The following PRKCE variants were observed in gnomAD, a reference collection of about 807,000 sequenced individuals.
The protein encoded by PRKCE is protein kinase C epsilon.
A neutral mutation model predicts 85.4 loss-of-function variants in PRKCE; 16 were observed. The ratio of observed to expected loss-of-function variants is 0.19; its 90% CI spans 0.13 to 0.28. The LOEUF is 0.28. Ranked by LOEUF, PRKCE falls within the 10% of genes least tolerant of loss-of-function variation. The pLI is 1.00. For missense variants in PRKCE, 573 were observed against 975.2 expected, an observed-to-expected ratio of 0.59 and a Z score of 5.49; for synonymous variants, 388 against 371.5, an observed-to-expected ratio of 1.04 and a Z score of -0.51.
intron 10 of PRKCE, among the ~76,000 whole-genome samples, chr2:46,020,507 G>A (rs1420253017): frequency 6.6e-6 from 1 of 152,048 alleles, no homozygotes. Flanking sequence ...TATTAAAATG[G>A]GCACATTCCT....
At position 46,184,593 on chromosome 2, in the gene PRKCE, G is replaced by A. The variant is rs1327112230; in HGVS notation, c.2068-142G>A. The A allele has an allele frequency of 8.5e-6, 9 of 1,053,940 alleles. No individual in the cohort carries two copies. The highest frequency in any genetic ancestry group is 2.4e-4 in the Middle Eastern group (1 of 4,152). 65.3% of individuals were successfully genotyped at this position (1,053,940 alleles called of 1,614,324 possible). ...TGGGGCCATCCATCGTTACCTCATC[G>A]GGACAGCCCCGTGTCTGCTGTCTGT... is the stretch of plus-strand genomic sequence containing the variant. On this transcript the variant is annotated intron_variant, in intron 14 of 14. Transcript: ENST00000306156. The surrounding 1 kb of genome is among the most constrained non-coding windows in gnomAD (Gnocchi z 5.0).
At chr2:46,054,888 G>A (rs957777245) in intron 10 of PRKCE, among the ~76,000 whole-genome samples, 3 of 152,140 alleles carry the variant, frequency 2.0e-5, no homozygotes, top group African/African-American at 7.2e-5. Flanking sequence ...ACATTGGAGA[G>A]AAGCAGCTTG....
Position 46,011,883 on chromosome 2 carries a change from G to A in PRKCE, c.1437+1366G>A, listed in dbSNP as rs546119828. Among the ~76,000 whole-genome samples the A allele has an allele frequency of 2.6e-5, 4 of 152,162 alleles. No homozygotes were observed. The South Asian group carries it at 6.2e-4, about 24-fold the overall frequency. On this transcript the variant is annotated intron_variant, in intron 10 of 14. Coordinates refer to ENST00000306156, the MANE Select transcript of PRKCE (RefSeq NM_005400.3). ...ATCTCTCAGGAGAATAAGAAATATCGTCTGAAAATCTGGAAATCATTCTGC... is the reference window on the plus strand; with the variant it reads ...ATCTCTCAGGAGAATAAGAAATATCATCTGAAAATCTGGAAATCATTCTGC...
At chr2:45,763,551 A>G (rs1684682878) in intron 1 of PRKCE, among the ~76,000 whole-genome samples, 1 of 150,544 alleles carries the variant, frequency 6.6e-6, no homozygotes, top group African/African-American at 2.5e-5. Context: ...CTCAGCCCTC[A>G]TTGATTTTCC....
intron 1 of PRKCE, among the ~76,000 whole-genome samples, chr2:45,817,469 G>A (rs929102733): frequency 7.2e-5 from 11 of 152,186 alleles, no homozygotes; most frequent in African/African-American, 2.2e-4. Context: ...TGAGGAGGGC[G>A]AATCACGAGG....
At chr2:46,150,414 T>A (rs1676504430) in intron 12 of PRKCE, among the ~76,000 whole-genome samples, 1 of 152,142 alleles carries the variant, frequency 6.6e-6, no homozygotes, top group Admixed American at 6.5e-5. Flanking sequence ...CTTCAGTGGA[T>A]CTTATGGGAA....
intron 10 of PRKCE, among the ~76,000 whole-genome samples, chr2:46,028,696 T>C (rs1179435178): frequency 2.6e-5 from 4 of 152,228 alleles, no homozygotes; most frequent in Non-Finnish European, 4.4e-5. Flanking sequence ...GTTCAGGGTA[T>C]ATGTGCAGGT....
intron 2 of PRKCE, among the ~76,000 whole-genome samples, chr2:45,976,200 G>C (rs1315353678): frequency 6.6e-6 from 1 of 152,142 alleles, no homozygotes; most frequent in East Asian, 1.9e-4. Context: ...GGAATCTGAG[G>C]ATATAGCAGG....
intron 1 of PRKCE, among the ~76,000 whole-genome samples, chr2:45,784,033 C>T (rs1442400296): frequency 6.6e-6 from 1 of 152,274 alleles, no homozygotes; most frequent in Non-Finnish European, 1.5e-5. Flanking sequence ...ACTAGCATCG[C>T]TGTATCCAAT....
rs373542571 is a variant in PRKCE, at chr2:46,032,174, C to A, written c.1437+21657C>A. The stretch of plus-strand genomic sequence containing the variant: ...AACTTTTAAATTGCTTTACAAAGTC[C>A]TTTGTCCATGATCTTACTTTATCTT... On this transcript the variant is annotated intron_variant, in intron 10 of 14. Transcript: ENST00000306156. Among the ~76,000 whole-genome samples, 15 of 152,208 alleles carry A rather than the reference C, an allele frequency of 9.9e-5. No individual in the cohort carries two copies. The East Asian group carries it at 2.9e-3, about 29-fold the overall frequency.
chr2:45,856,071 T>G (rs1692647704), intron 2 of PRKCE, among the ~76,000 whole-genome samples: 1 of 152,098 alleles, frequency 6.6e-6, no homozygotes, highest in Non-Finnish European at 1.5e-5. Flanking sequence ...TTAAAAAAAT[T>G]TTTTTAAAAA....
intron 1 of PRKCE, among the ~76,000 whole-genome samples, chr2:45,784,234 A>T (rs1686415893): frequency 6.6e-6 from 1 of 152,276 alleles, no homozygotes; most frequent in Non-Finnish European, 1.5e-5. Context: ...ATCCCAAGGA[A>T]GGAGCTGAAG....
chr2:45,791,967 C>G (rs1330535610), intron 1 of PRKCE, among the ~76,000 whole-genome samples: 1 of 152,230 alleles, frequency 6.6e-6, no homozygotes, highest in African/African-American at 2.4e-5. Context: ...GACCACATGC[C>G]TGTAGTGCTT....
chr2:45,714,275 A>C (rs78218529), intron 1 of PRKCE, among the ~76,000 whole-genome samples: 1 of 152,218 alleles, frequency 6.6e-6, no homozygotes, highest in Admixed American at 6.5e-5. Flanking sequence ...GCTAAGATCA[A>C]GGTGAGGGGA....
intron 1 of PRKCE, among the ~76,000 whole-genome samples, chr2:45,687,631 CTTTCATTACTCTATG>C (rs1677401612): frequency 6.6e-6 from 1 of 152,150 alleles, no homozygotes; most frequent in Admixed American, 6.5e-5. Context: ...ATCTAAATGT[CTTTCATTACTCTATG>C]TTTCATTTTG....
chr2:45,652,597 C>A lies in PRKCE; in HGVS notation c.348+149C>A. On this transcript the variant is annotated intron_variant, in intron 1 of 14. Coordinates refer to ENST00000306156, the MANE Select transcript of PRKCE (RefSeq NM_005400.3). The surrounding 1 kb of genome is among the most constrained non-coding windows in gnomAD (Gnocchi z 7.7). The stretch of plus-strand genomic sequence containing the variant: ...TCAGTTTCCTTGGGGAGGTACACTT[C>A]ACTTCATAGTTGGGGAGAAACAGGC... 1 of 777,736 alleles carries A rather than the reference C, an allele frequency of 1.3e-6. No homozygotes were observed. The highest frequency in any genetic ancestry group is 2.0e-6 in the Non-Finnish European group (1 of 499,172). The allele number at this position is 777,736 out of a possible 1,614,324, so 48.2% of individuals were successfully genotyped here. A position where few individuals can be genotyped will look rare whatever the true frequency, so the allele number is the denominator to read the frequency against.
At chr2:45,958,334 T>C (rs1324479949) in intron 2 of PRKCE, among the ~76,000 whole-genome samples, 1 of 150,464 alleles carries the variant, frequency 6.6e-6, no homozygotes, top group Admixed American at 6.6e-5. Flanking sequence ...ATGGTGAAAC[T>C]CTGTCTCTAC....
chr2:45,992,463 G>A (rs753320218), intron 6 of PRKCE, among the ~76,000 whole-genome samples: 4 of 152,250 alleles, frequency 2.6e-5, no homozygotes, highest in East Asian at 3.9e-4. Flanking sequence ...CTCATTCTGC[G>A]TGAACGACTT....
intron 11 of PRKCE, among the ~76,000 whole-genome samples, chr2:46,094,239 A>C (rs1405025546): frequency 3.3e-5 from 5 of 152,038 alleles, no homozygotes; most frequent in Non-Finnish European, 7.4e-5. Flanking sequence ...TTTTCCCACT[A>C]TCCTGTGAAG....
Sources: allele counts gnomAD v4.1 joint callset (sites outside exome capture counted in the v4.1 genomes callset), GRCh38; gene constraint gnomAD v4.1.1; non-coding constraint Gnocchi (gnomAD v3.1); transcripts MANE v1.5; gene names NCBI Gene and HGNC (gene_info 2026-07-23, HGNC 2026-07-21).